GAS2: variants seen among roughly 807,000 people sequenced by gnomAD.
GAS2 encodes growth arrest specific 2.
GAS2 carries 20 observed loss-of-function variants against 37.5 expected under a neutral mutation model. That is an observed-to-expected ratio of 0.53 (90% CI 0.37 to 0.77). The LOEUF is 0.77. Ranked by LOEUF, GAS2 falls within the 30% of genes least tolerant of loss-of-function variation. The pLI, the probability that GAS2 is intolerant of heterozygous loss-of-function variation, is 0.00. For missense variants in GAS2, 336 were observed against 373.4 expected, an observed-to-expected ratio of 0.90 and a Z score of 0.82; for synonymous variants, 144 against 132.2, an observed-to-expected ratio of 1.09 and a Z score of -0.61.
At chr11:22,741,217 A>C (rs1853059211) in intron 5 of GAS2, among the ~76,000 whole-genome samples, 1 of 152,102 alleles carries the variant, frequency 6.6e-6, no homozygotes. Flanking sequence ...TTTTATTTTC[A>C]ACTAAATAGA....
chr11:22,780,603 A>G (rs905593946), intron 7 of GAS2, among the ~76,000 whole-genome samples: 5 of 151,282 alleles, frequency 3.3e-5, no homozygotes, highest in Admixed American at 6.6e-5. Context: ...TATTAGTAGC[A>G]GAAACCAATC....
chr11:22,802,949 A>G (rs1417143635), intron 7 of GAS2, among the ~76,000 whole-genome samples: 1 of 152,130 alleles, frequency 6.6e-6, no homozygotes, highest in East Asian at 1.9e-4. Flanking sequence ...CCTGGAAGCA[A>G]CAGGCTATCT....
intron 5 of GAS2, among the ~76,000 whole-genome samples, chr11:22,747,475 G>T (rs1381411005): frequency 6.6e-6 from 1 of 152,128 alleles, no homozygotes; most frequent in East Asian, 1.9e-4. Context: ...AGCAGTAATT[G>T]TTCAGTAGAA....
chr11:22,787,728 T>C (rs767530395), intron 7 of GAS2, among the ~76,000 whole-genome samples: 5 of 152,212 alleles, frequency 3.3e-5, no homozygotes, highest in African/African-American at 4.8e-5. Flanking sequence ...TGCATTTTTA[T>C]TCGGGGACAA....
chr11:22,804,728 C>T (rs1856810490), intron 7 of GAS2, among the ~76,000 whole-genome samples: 1 of 150,290 alleles, frequency 6.7e-6, no homozygotes, highest in South Asian at 2.1e-4. Flanking sequence ...GGTATATTGG[C>T]CAGTAGAGGT....
chr11:22,779,406 A>G (rs182913377), intron 7 of GAS2, among the ~76,000 whole-genome samples: 1 of 152,312 alleles, frequency 6.6e-6, no homozygotes, highest in Admixed American at 6.5e-5. Flanking sequence ...CTTTTGAAAT[A>G]CAATGCCTCA....
In GAS2 at chr11:22,812,194, T is replaced by C. The variant is rs1857212658; in HGVS notation, c.*178T>C. On this transcript the variant is annotated 3_prime_UTR_variant, in exon 8 of 8. Transcript: ENST00000454584. ...TTATTTTTAATGCTTCTGTAGAATA[T>C]GACCTATTAAAAGAAAATCTAAACT... 2 of 556,016 alleles carry C rather than the reference T, an allele frequency of 3.6e-6. No individual in the cohort carries two copies. Among genetic ancestry groups the C allele is most frequent in the South Asian group, 2.6e-5 (1 of 38,280 alleles). The allele number at this position is 556,016 out of a possible 1,614,324, so 34.4% of individuals were successfully genotyped here. A position where few individuals can be genotyped will look rare whatever the true frequency, so the allele number is the denominator to read the frequency against.
chr11:22,789,610 C>T (rs1856038739), intron 7 of GAS2, among the ~76,000 whole-genome samples: 1 of 148,918 alleles, frequency 6.7e-6, no homozygotes. Flanking sequence ...TACAGGCGCC[C>T]GCCACCATAC....
At chr11:22,694,595 T>C (rs1850407149) in intron 3 of GAS2, among the ~76,000 whole-genome samples, 1 of 152,224 alleles carries the variant, frequency 6.6e-6, no homozygotes, top group African/African-American at 2.4e-5. Context: ...CTTGAAGTTC[T>C]AATTCCTTTA....
At chr11:22,781,028 C>T (rs1855532734) in intron 7 of GAS2, among the ~76,000 whole-genome samples, 1 of 152,162 alleles carries the variant, frequency 6.6e-6, no homozygotes. Flanking sequence ...GACCTCATAA[C>T]ATCCCCCCAG....
chr11:22,696,145 A>G (rs1850502185), intron 3 of GAS2, among the ~76,000 whole-genome samples: 1 of 126,288 alleles, frequency 7.9e-6, no homozygotes, highest in African/African-American at 3.1e-5. Flanking sequence ...TCCTGTGTCC[A>G]TGTGTTCTCA....
intron 7 of GAS2, among the ~76,000 whole-genome samples, chr11:22,769,064 G>T (rs1225433682): frequency 6.6e-6 from 1 of 152,152 alleles, no homozygotes; most frequent in South Asian, 2.1e-4. Flanking sequence ...AGGGTTAATA[G>T]AAAAAGTATG....
intron 3 of GAS2, among the ~76,000 whole-genome samples, chr11:22,698,498 A>G (rs1850659963): frequency 6.6e-6 from 1 of 151,960 alleles, no homozygotes; most frequent in Admixed American, 6.6e-5. Flanking sequence ...AAAAAGAGGG[A>G]ATCCTCCCTA....
Position 22,812,031 on chromosome 11 carries a change from G to A in GAS2, c.*15G>A, listed in dbSNP as rs765615959. ...AAATTAAGTGAAACAAATTGGTCAT[G>A]ACAAGGGGACCCTCATAATGGCCTG... is the stretch of plus-strand genomic sequence containing the variant. On this transcript the variant is annotated 3_prime_UTR_variant, in exon 8 of 8. Coordinates refer to ENST00000454584, the MANE Select transcript of GAS2 (RefSeq NM_001143830.3). 14 of 1,590,954 alleles carry A rather than the reference G, an allele frequency of 8.8e-6. No individual in the cohort carries two copies. The South Asian group carries it at 1.2e-4, about 14-fold the overall frequency.
Position 22,789,423 on chromosome 11 carries a change from G to GATATATATAAATATAT in GAS2, c.724-22374_724-22373insTATATATAAATATATA, listed in dbSNP as rs1491294585. On this transcript the variant is annotated intron_variant, in intron 7 of 7. Transcript: ENST00000454584. ...GTGTGTATGTGTGTGTATCTCATAT[G>GATATATATAAATATAT]AGATATATATATATATATATATATA... Among the ~76,000 whole-genome samples, 121 of 71,154 alleles carry GATATATATAAATATAT rather than the reference G, an allele frequency of 1.7e-3. 5 individuals carry two copies. Among genetic ancestry groups the GATATATATAAATATAT allele is most frequent in the African/African-American group, 6.6e-3 (115 of 17,318 alleles). 46.7% of individuals were successfully genotyped at this position (71,154 alleles called of 152,430 possible).
At chr11:22,756,019 A>G (rs1043857814) in intron 7 of GAS2, 66 bp downstream of exon 7, 2 of 1,135,214 alleles carry the variant, frequency 1.8e-6, no homozygotes, top group African/African-American at 3.1e-5. Flanking sequence ...TAGGGGAAAT[A>G]TGACAGATAA....
chr11:22,772,319 G>T (rs1251425021), intron 7 of GAS2, among the ~76,000 whole-genome samples: 1 of 152,142 alleles, frequency 6.6e-6, no homozygotes, highest in East Asian at 1.9e-4. Flanking sequence ...GGTTCAAGAG[G>T]AAGATGTTGG....
chr11:22,676,271 C>G (rs1283947764), intron 2 of GAS2, among the ~76,000 whole-genome samples: 1 of 152,140 alleles, frequency 6.6e-6, no homozygotes, highest in East Asian at 1.9e-4. Flanking sequence ...CCTTTTATCT[C>G]CATCAAGGAA....
rs34167397 is a variant in GAS2, at chr11:22,683,665, CTT to C, written c.146-1991_146-1990del. Among the ~76,000 whole-genome samples, 469 of 144,442 alleles carry C rather than the reference CTT, an allele frequency of 3.2e-3. 2 individuals are homozygous for C. The highest frequency in any genetic ancestry group is 0.022 in the Middle Eastern group (6 of 278). 94.8% of individuals were successfully genotyped at this position (144,442 alleles called of 152,430 possible). A position where few individuals can be genotyped will look rare whatever the true frequency, so the allele number is the denominator to read the frequency against. On this transcript the variant is annotated intron_variant, in intron 2 of 7. Coordinates refer to ENST00000454584, the MANE Select transcript of GAS2 (RefSeq NM_001143830.3). ...TTGGTATAAAACTTTAAAATAATTT[CTT>C]TTTTTTTTTTTGCTTTTGACTTAAC...
Sources: gnomAD v4.1 joint callset for allele counts (sites outside exome capture counted in the v4.1 genomes callset) on GRCh38, gnomAD v4.1.1 for gene constraint, MANE v1.5 for transcripts, NCBI Gene and HGNC (gene_info 2026-07-23, HGNC 2026-07-21) for gene names.